GRIK2: variants seen among roughly 807,000 people sequenced by gnomAD.
The protein encoded by GRIK2 is glutamate ionotropic receptor kainate type subunit 2.
GRIK2 carries 32 observed loss-of-function variants against 100.3 expected under a neutral mutation model. The ratio of observed to expected loss-of-function variants is 0.32; its 90% CI spans 0.24 to 0.43. The LOEUF (loss-of-function observed/expected upper bound fraction) is 0.43. Ranked by LOEUF, GRIK2 falls within the 20% of genes least tolerant of loss-of-function variation. The pLI is 1.00. For synonymous variants in GRIK2, 417 were observed against 389.4 expected, an observed-to-expected ratio of 1.07 and a Z score of -0.83; for missense variants, 843 against 1,114.9, an observed-to-expected ratio of 0.76 and a Z score of 3.47.
chr6:101,433,330 C>A (rs1246223739), intron 2 of GRIK2, among the ~76,000 whole-genome samples: 1 of 152,158 alleles, frequency 6.6e-6, no homozygotes, highest in African/African-American at 2.4e-5. Flanking sequence ...GGCTGAAAAG[C>A]CCAGAATGCA....
At chr6:101,535,594 C>T (rs1219420990) in intron 2 of GRIK2, among the ~76,000 whole-genome samples, 1 of 149,232 alleles carries the variant, frequency 6.7e-6, no homozygotes, top group Non-Finnish European at 1.5e-5. Flanking sequence ...TATCTGCTCA[C>T]ATCCTCTTTC....
At chr6:101,462,030 A>T (rs1771335150) in intron 2 of GRIK2, among the ~76,000 whole-genome samples, 1 of 152,160 alleles carries the variant, frequency 6.6e-6, no homozygotes, top group Non-Finnish European at 1.5e-5. Flanking sequence ...GTATACTTTA[A>T]TGTGATCTTG....
chr6:101,856,127 T>C (rs1252709464), intron 10 of GRIK2, among the ~76,000 whole-genome samples: 3 of 152,182 alleles, frequency 2.0e-5, no homozygotes, highest in Admixed American at 1.3e-4. Context: ...CTAAACACAT[T>C]GGGAATCTAT....
At chr6:101,444,636 G>A (rs762106391) in intron 2 of GRIK2, among the ~76,000 whole-genome samples, 39 of 152,128 alleles carry the variant, frequency 2.6e-4, no homozygotes, top group Non-Finnish European at 5.0e-4. Flanking sequence ...TGTTTATTAA[G>A]TAAAAATTTT....
At chr6:101,862,470 T>C (rs1368166014) in intron 11 of GRIK2, among the ~76,000 whole-genome samples, 1 of 152,150 alleles carries the variant, frequency 6.6e-6, no homozygotes, top group Non-Finnish European at 1.5e-5. Context: ...TTTCTGTGAC[T>C]TAGACTAGGG....
chr6:101,732,850 C>T (rs904711654), intron 7 of GRIK2, among the ~76,000 whole-genome samples: 1 of 152,000 alleles, frequency 6.6e-6, no homozygotes, highest in African/African-American at 2.4e-5. Flanking sequence ...TCCTTGCTTT[C>T]TTCTTGGCTT....
intron 12 of GRIK2, among the ~76,000 whole-genome samples, chr6:101,921,926 C>G (rs920839019): frequency 6.6e-6 from 1 of 151,008 alleles, no homozygotes; most frequent in African/African-American, 2.4e-5. Flanking sequence ...AGAAAAAAAG[C>G]AGAGAATGTG....
chr6:101,787,001 T>C (rs1418615727), intron 7 of GRIK2, among the ~76,000 whole-genome samples: 1 of 152,134 alleles, frequency 6.6e-6, no homozygotes, highest in East Asian at 1.9e-4. Context: ...GTTACTCTTA[T>C]TAGCCTGTTC....
At chr6:101,569,654 CTTTATG>C (rs1200146112) in intron 2 of GRIK2, among the ~76,000 whole-genome samples, 2 of 151,844 alleles carry the variant, frequency 1.3e-5, no homozygotes, top group Admixed American at 6.6e-5. Context: ...CCAGGGAATT[CTTTATG>C]TTTATGTTGA....
chr6:101,400,648 T>C (rs1775250695), intron 2 of GRIK2, among the ~76,000 whole-genome samples: 1 of 152,222 alleles, frequency 6.6e-6, no homozygotes, highest in Admixed American at 6.5e-5. Flanking sequence ...CAGCATCTCC[T>C]GTCTTTCCAT....
intron 2 of GRIK2, among the ~76,000 whole-genome samples, chr6:101,535,022 C>T (rs546575843): frequency 5.9e-5 from 9 of 151,708 alleles, no homozygotes; most frequent in East Asian, 3.9e-4. Flanking sequence ...ACATCATTAA[C>T]GTATTGCTTA....
At chr6:101,452,797 A>G (rs1770783910) in intron 2 of GRIK2, among the ~76,000 whole-genome samples, 1 of 151,876 alleles carries the variant, frequency 6.6e-6, no homozygotes, top group African/African-American at 2.4e-5. Context: ...TCTAAAGTAC[A>G]CCAAAATGGG....
At chr6:101,519,553 C>T (rs1038577953) in intron 2 of GRIK2, among the ~76,000 whole-genome samples, 3 of 151,978 alleles carry the variant, frequency 2.0e-5, no homozygotes, top group Admixed American at 1.3e-4. Context: ...AATTTAGCTA[C>T]GTTGTTTTAT....
At chr6:101,428,873 A>C (rs72957648) in intron 2 of GRIK2, among the ~76,000 whole-genome samples, 6,187 of 152,230 alleles carry the variant, frequency 0.041, 165 homozygotes, top group Non-Finnish European at 0.062. Context: ...CTTCCACTGC[A>C]TCACACTGTC....
intron 7 of GRIK2, among the ~76,000 whole-genome samples, chr6:101,754,166 ATCT>A (rs71547435): frequency 0.013 from 1,973 of 152,224 alleles, 25 homozygotes; most frequent in Non-Finnish European, 0.022. Context: ...TGATTGATTT[ATCT>A]TCTTTTATTA....
chr6:101,759,883 A>T (rs28757883), intron 7 of GRIK2, among the ~76,000 whole-genome samples: 30,190 of 127,698 alleles, frequency 0.24, 4,950 homozygotes, highest in East Asian at 0.69. Context: ...TTTTATTTTT[A>T]TTTTTTTTTG....
chr6:102,033,932 AGTTG>A (rs1010632961), intron 14 of GRIK2, among the ~76,000 whole-genome samples: 8 of 151,548 alleles, frequency 5.3e-5, no homozygotes, highest in South Asian at 2.1e-4. Flanking sequence ...CATGTCTTAA[AGTTG>A]GTTGGTTTTC....
intron 6 of GRIK2, 43 bp from the exon 7 acceptor site, chr6:101,686,137 A>T (rs949069084): frequency 2.6e-6 from 4 of 1,531,430 alleles, no homozygotes; most frequent in Non-Finnish European, 3.6e-6. Context: ...GCCTGTGAAG[A>T]TACTCTGTCC....
At chr6:101,880,910 T>C (rs1324268000) in intron 11 of GRIK2, among the ~76,000 whole-genome samples, 1 of 151,942 alleles carries the variant, frequency 6.6e-6, no homozygotes, top group Non-Finnish European at 1.5e-5. Flanking sequence ...TAGTTTTCCT[T>C]GTCCTCAAAA....
Sources: gnomAD v4.1 joint callset for allele counts (sites outside exome capture counted in the v4.1 genomes callset) on GRCh38, gnomAD v4.1.1 for gene constraint, MANE v1.5 for transcripts, NCBI Gene and HGNC (gene_info 2026-07-23, HGNC 2026-07-21) for gene names.